Variants in PAN3 observed in about 807,000 individuals in gnomAD.
The protein encoded by PAN3 is poly(A) specific ribonuclease subunit PAN3.
In PAN3, 19 loss-of-function variants were observed where a neutral mutation model predicts 96.2. That is an observed-to-expected ratio of 0.20 (90% CI 0.14 to 0.29). PAN3 has a LOEUF of 0.29. Among genes scored for constraint, PAN3 ranks in the 10% least tolerant of loss-of-function variants. PAN3 has a pLI of 1.00. For missense variants in PAN3, 882 were observed against 1,108.1 expected, an observed-to-expected ratio of 0.80 and a Z score of 2.90; for synonymous variants, 433 against 406.6, an observed-to-expected ratio of 1.06 and a Z score of -0.78.
At chr13:28,291,316 G>A (rs968361514) in intron 18 of PAN3, among the ~76,000 whole-genome samples, 1 of 152,136 alleles carries the variant, frequency 6.6e-6, no homozygotes, top group Admixed American at 6.5e-5. Flanking sequence ...AACAAGACAA[G>A]TTGATAGACT....
intron 6 of PAN3, among the ~76,000 whole-genome samples, chr13:28,232,044 T>C (rs537232909): frequency 2.0e-4 from 31 of 152,324 alleles, no homozygotes; most frequent in African/African-American, 7.0e-4. Context: ...AGTCATAAGG[T>C]AAACATTTAG....
intron 5 of PAN3, among the ~76,000 whole-genome samples, chr13:28,199,034 G>T (rs2138243589): frequency 6.6e-6 from 1 of 152,292 alleles, no homozygotes; most frequent in East Asian, 1.9e-4. Context: ...AATTTCATTG[G>T]AAAGTTTTGG....
In PAN3 at chr13:28,185,295, A is replaced by G. The variant is rs1391995313; in HGVS notation, c.690+7360A>G. Among the ~76,000 whole-genome samples, 3 of 152,176 alleles carry G rather than the reference A, an allele frequency of 2.0e-5. No individual in the cohort carries two copies. In the East Asian group the frequency reaches 5.8e-4, roughly 29 times the overall value. ...CATTAGATTGAAACTTGCTAAAAAT[A>G]TGGTAGTTCTTATAGAGAAAGACTT... On this transcript the variant is annotated intron_variant, in intron 4 of 18. Coordinates refer to ENST00000380958, the MANE Select transcript of PAN3 (RefSeq NM_175854.8).
chr13:28,267,755 C>A (rs1456245039), intron 12 of PAN3, among the ~76,000 whole-genome samples: 1 of 152,192 alleles, frequency 6.6e-6, no homozygotes, highest in African/African-American at 2.4e-5. Flanking sequence ...GACCTATTCA[C>A]TACCACGAGA....
chr13:28,268,770 T>C (rs1886383448), intron 12 of PAN3, among the ~76,000 whole-genome samples: 1 of 152,186 alleles, frequency 6.6e-6, no homozygotes, highest in African/African-American at 2.4e-5. Flanking sequence ...TTCAAGACTC[T>C]AATTATAGAC....
intron 1 of PAN3, among the ~76,000 whole-genome samples, chr13:28,171,034 G>A (rs1441191815): frequency 6.6e-6 from 1 of 152,122 alleles, no homozygotes; most frequent in African/African-American, 2.4e-5. Flanking sequence ...TACCTCAGGC[G>A]ATCCGCCCGC....
At chr13:28,229,864 G>A (rs931013475) in intron 6 of PAN3, among the ~76,000 whole-genome samples, 1 of 152,140 alleles carries the variant, frequency 6.6e-6, no homozygotes, top group Admixed American at 6.5e-5. Flanking sequence ...GTGAACCAGG[G>A]AAGATTTGCT....
chr13:28,154,905 C>G (rs543528888), intron 1 of PAN3, among the ~76,000 whole-genome samples: 48 of 151,258 alleles, frequency 3.2e-4, no homozygotes, highest in African/African-American at 1.1e-3. Flanking sequence ...ACTGCAAGCT[C>G]CACCTCCCGG....
At position 28,215,045 on chromosome 13, in the gene PAN3, T is replaced by C. The variant is rs576177221; in HGVS notation, c.853-5186T>C. ...AAATCATTAAGGAAGTCAGCACTTATATTAATAAAATTGGCTACAATCCTG... is the reference window on the plus strand; with the variant it reads ...AAATCATTAAGGAAGTCAGCACTTACATTAATAAAATTGGCTACAATCCTG... On this transcript the variant is annotated intron_variant, in intron 5 of 18. Transcript: ENST00000380958. 1.4e-4 allele frequency: 163 copies of C among 1,129,720 alleles called. 1 individual carries two copies. Among genetic ancestry groups the C allele is most frequent in the African/African-American group, 1.1e-3 (70 of 65,736 alleles). The allele number at this position is 1,129,720 out of a possible 1,614,324, so 70.0% of individuals were successfully genotyped here.
At chr13:28,290,537 C>T (rs577782869) in intron 18 of PAN3, among the ~76,000 whole-genome samples, 3 of 151,890 alleles carry the variant, frequency 2.0e-5, no homozygotes, top group African/African-American at 4.8e-5. Flanking sequence ...CAAAATTAGC[C>T]GGGCGTGGTG....
intron 5 of PAN3, among the ~76,000 whole-genome samples, chr13:28,205,330 C>G (rs1879218638): frequency 6.6e-6 from 1 of 152,124 alleles, no homozygotes; most frequent in Non-Finnish European, 1.5e-5. Context: ...AGTGGCCTTT[C>G]TGTAAATGTA....
chr13:28,249,353 T>C (rs1038036464), intron 6 of PAN3, among the ~76,000 whole-genome samples: 1 of 152,254 alleles, frequency 6.6e-6, no homozygotes, highest in Non-Finnish European at 1.5e-5. Context: ...ATTATGTTTC[T>C]GTTTCACGTG....
At chr13:28,151,586 G>A (rs1224173911) in intron 1 of PAN3, among the ~76,000 whole-genome samples, 2 of 152,138 alleles carry the variant, frequency 1.3e-5, no homozygotes, top group Non-Finnish European at 2.9e-5. Flanking sequence ...TCCAGCAAGA[G>A]ATGATGAGAT....
At chr13:28,270,556 TACACACATACATAC>T in intron 12 of PAN3, 131 bp from the exon 13 acceptor site, 8 of 713,806 alleles carry the variant, frequency 1.1e-5, no homozygotes, top group Non-Finnish European at 1.7e-5. Flanking sequence ...AAACTTAAAT[TACACACATACATAC>T]ACACACATAT....
At chr13:28,247,595 A>T (rs973341572) in intron 6 of PAN3, among the ~76,000 whole-genome samples, 2 of 152,048 alleles carry the variant, frequency 1.3e-5, no homozygotes, top group Admixed American at 1.3e-4. Context: ...CTTTGATTTG[A>T]TCTTTGCATA....
chr13:28,277,267 G>A lies in PAN3; in HGVS notation c.2080G>A (p.Val694Met). The change falls in exon 15 of 19, where the codon GTG (valine) becomes ATG (methionine). Residue 694 changes from valine to methionine, a missense_variant. Physicochemically the swap from Val to Met is conservative, Grantham distance 21. Transcript: ENST00000380958. ...QADLISLGKV[V>M]LALACNSLAG... ...AGATCTGATATCATTAGGAAAAGTT[G>A]TGTTGGCTTTGGCTTGCAACTCTTT... The A allele has an allele frequency of 1.2e-6, 2 of 1,612,826 alleles. No homozygotes were observed. The highest frequency in any genetic ancestry group is 8.5e-7 in the Non-Finnish European group (1 of 1,179,502).
intron 16 of PAN3, among the ~76,000 whole-genome samples, chr13:28,280,786 C>T (rs186016912): frequency 6.6e-6 from 1 of 152,008 alleles, no homozygotes; most frequent in East Asian, 1.9e-4. Flanking sequence ...GTCTTGAGCT[C>T]CTGAGCTCAA....
At position 28,293,766 on chromosome 13, in the gene PAN3, T is replaced by C. The variant is rs771952452; in HGVS notation, c.*1244T>C. On this transcript the variant is annotated 3_prime_UTR_variant, in exon 19 of 19. Coordinates refer to ENST00000380958, the MANE Select transcript of PAN3 (RefSeq NM_175854.8). The stretch of plus-strand genomic sequence containing the variant: ...ACTTGGGTATTCATGGAATTTCTAG[T>C]AAATGAAATACCTATACTTTGATAC... 8 of 152,628 alleles carry C rather than the reference T, an allele frequency of 5.2e-5. No individual in the cohort carries two copies. The highest frequency in any genetic ancestry group is 8.8e-5 in the Non-Finnish European group (6 of 68,042). The allele number at this position is 152,628 out of a possible 1,614,324, so 9.5% of individuals were successfully genotyped here. A position where few individuals can be genotyped will look rare whatever the true frequency, so the allele number is the denominator to read the frequency against.
intron 6 of PAN3, among the ~76,000 whole-genome samples, chr13:28,229,003 T>C (rs1372125649): frequency 6.6e-6 from 1 of 152,190 alleles, no homozygotes; most frequent in Non-Finnish European, 1.5e-5. Context: ...GAAGAGCTTC[T>C]CAGCATCTCT....
Sources: gnomAD v4.1 joint callset for allele counts (sites outside exome capture counted in the v4.1 genomes callset) on GRCh38, gnomAD v4.1.1 for gene constraint, MANE v1.5 for transcripts, NCBI Gene and HGNC (gene_info 2026-07-23, HGNC 2026-07-21) for gene names.